The following INPP4B variants were observed in gnomAD, a reference collection of about 807,000 sequenced individuals.
INPP4B encodes inositol polyphosphate-4-phosphatase type II B, also known as inositol polyphosphate 4-phosphatase type II.
A neutral mutation model predicts 122.5 loss-of-function variants in INPP4B; 55 were observed. The ratio of observed to expected loss-of-function variants is 0.45; its 90% CI spans 0.36 to 0.56. INPP4B has a LOEUF of 0.56. INPP4B is among the 20% of genes least tolerant of loss of function. The pLI is 0.00. For missense variants in INPP4B, 1,000 were observed against 1,097.7 expected, an observed-to-expected ratio of 0.91 and a Z score of 1.26; for synonymous variants, 403 against 388.7, an observed-to-expected ratio of 1.04 and a Z score of -0.43.
chr4:142,503,572 T>A (rs1024198486), intron 2 of INPP4B, among the ~76,000 whole-genome samples: 2 of 152,070 alleles, frequency 1.3e-5, no homozygotes, highest in Non-Finnish European at 2.9e-5. Flanking sequence ...ATGAAAATAA[T>A]ATCTTTCCCC....
intron 15 of INPP4B, among the ~76,000 whole-genome samples, chr4:142,192,013 A>T (rs1489991696): frequency 6.6e-6 from 1 of 152,098 alleles, no homozygotes; most frequent in African/African-American, 2.4e-5. Context: ...TTTATATTTG[A>T]TAAATGTGAT....
At chr4:142,191,230 C>A (rs545498939) in intron 15 of INPP4B, among the ~76,000 whole-genome samples, 1 of 152,062 alleles carries the variant, frequency 6.6e-6, no homozygotes, top group African/African-American at 2.4e-5. Context: ...GTGAGTTCCA[C>A]GGGATTTTTC....
At chr4:142,806,813 A>AAGAAAGAT (rs1302962627) in intron 1 of INPP4B, among the ~76,000 whole-genome samples, 13 of 149,556 alleles carry the variant, frequency 8.7e-5, no homozygotes, top group Non-Finnish European at 1.8e-4. Flanking sequence ...GAAAGAAAGA[A>AAGAAAGAT]AGAAAGAAAG....
At chr4:142,155,011 GAT>G (rs563685658) in intron 17 of INPP4B, among the ~76,000 whole-genome samples, 30 of 150,076 alleles carry the variant, frequency 2.0e-4, no homozygotes, top group East Asian at 7.9e-4. Flanking sequence ...TTTGAAGTTG[GAT>G]ATATATATAT....
At chr4:142,330,132 T>A (rs1295360780) in intron 7 of INPP4B, among the ~76,000 whole-genome samples, 1 of 152,180 alleles carries the variant, frequency 6.6e-6, no homozygotes, top group African/African-American at 2.4e-5. Flanking sequence ...AATATCTTCA[T>A]TGTTACTTAT....
intron 1 of INPP4B, among the ~76,000 whole-genome samples, chr4:142,732,208 C>T (rs908490139): frequency 2.0e-5 from 3 of 152,118 alleles, no homozygotes; most frequent in Admixed American, 6.5e-5. Flanking sequence ...GAGTATTATG[C>T]TTATGAAGAC....
At position 142,595,408 on chromosome 4, in the gene INPP4B, T is replaced by C. The variant is rs148593936; in HGVS notation, c.-191+130431A>G. On this transcript the variant is annotated intron_variant, in intron 2 of 25. Transcript: ENST00000262992. ...ATTTTTAAAATTTCCCCTCTGTGAA[T>C]ACACCTGTCCTTGAAAATGGCCTCA... 2.7e-3 allele frequency among the ~76,000 whole-genome samples: 405 copies of C among 152,308 alleles called. 6 individuals are homozygous for C. The highest frequency in any genetic ancestry group is 0.018 in the East Asian group (92 of 5,170).
At chr4:142,654,668 T>C (rs2150557818) in intron 2 of INPP4B, 1 of 152,328 alleles carries the variant, frequency 6.6e-6, no homozygotes, top group African/African-American at 2.4e-5. Context: ...CTTCCCTGAA[T>C]AGCTTCTTCC....
intron 9 of INPP4B, among the ~76,000 whole-genome samples, chr4:142,285,759 T>C (rs1241510941): frequency 6.6e-6 from 1 of 152,040 alleles, no homozygotes; most frequent in Non-Finnish European, 1.5e-5. Flanking sequence ...TGATCCGCCA[T>C]GCAGATGAAA....
intron 1 of INPP4B, among the ~76,000 whole-genome samples, chr4:142,798,112 T>C (rs1011799839): frequency 1.3e-5 from 2 of 151,742 alleles, no homozygotes; most frequent in African/African-American, 4.8e-5. Flanking sequence ...ATAAGTCAAA[T>C]GAAATTACTG....
intron 9 of INPP4B, among the ~76,000 whole-genome samples, chr4:142,279,702 G>T (rs937139791): frequency 2.0e-5 from 3 of 151,846 alleles, no homozygotes; most frequent in Non-Finnish European, 2.9e-5. Context: ...GAGTTCTTTA[G>T]TGTGACACCA....
chr4:142,431,215 A>C lies in INPP4B; in HGVS notation c.45T>G (p.Phe15Leu). ...GATCATTGGCCTGGGCTGTAGGAAGAAAGTGCTGCCCTTCTTCTGATGCCC... is the reference window on the plus strand; with the variant it reads ...GATCATTGGCCTGGGCTGTAGGAAGCAAGTGCTGCCCTTCTTCTGATGCCC... ...EEGASEEGQHFLPTAQANDPG... is the reference protein window; with the variant it reads ...EEGASEEGQHLLPTAQANDPG... The change falls in exon 4 of 26, where the codon TTT (phenylalanine) becomes TTG (leucine). Residue 15 changes from phenylalanine to leucine, a missense_variant. By Grantham distance (22) the Phe-to-Leu change is conservative (BLOSUM62 0). Transcript: ENST00000262992. 6.2e-7 allele frequency: 1 copy of C among 1,613,474 alleles called. No individual in the cohort carries two copies. The highest frequency in any genetic ancestry group is 8.5e-7 in the Non-Finnish European group (1 of 1,179,504).
chr4:142,499,155 CT>C (rs1823028644), intron 2 of INPP4B, among the ~76,000 whole-genome samples: 1 of 152,102 alleles, frequency 6.6e-6, no homozygotes. Context: ...TGCCTTGGAT[CT>C]GCAAAGATAA....
At chr4:142,550,160 C>T (rs1257932718) in intron 2 of INPP4B, among the ~76,000 whole-genome samples, 1 of 152,152 alleles carries the variant, frequency 6.6e-6, no homozygotes, top group East Asian at 1.9e-4. Flanking sequence ...GAGCCTAGTG[C>T]TCCAAGTGGT....
intron 17 of INPP4B, among the ~76,000 whole-genome samples, chr4:142,157,984 C>G (rs1025972246): frequency 6.6e-6 from 1 of 152,066 alleles, no homozygotes; most frequent in Non-Finnish European, 1.5e-5. Flanking sequence ...AGTGCCTGCT[C>G]TTCCACCTGG....
chr4:142,093,082 G>C (rs1383095787), intron 23 of INPP4B, among the ~76,000 whole-genome samples: 2 of 152,062 alleles, frequency 1.3e-5, no homozygotes, highest in East Asian at 3.9e-4. Flanking sequence ...GGAACTTGCC[G>C]ACTGTATTCC....
chr4:142,737,082 G>T (rs535577689), intron 1 of INPP4B, among the ~76,000 whole-genome samples: 22 of 152,264 alleles, frequency 1.4e-4, no homozygotes, highest in Non-Finnish European at 3.1e-4. Context: ...AGCTACAAAT[G>T]ACTTTCTTCA....
intron 23 of INPP4B, among the ~76,000 whole-genome samples, chr4:142,106,683 A>T (rs889961232): frequency 3.3e-5 from 5 of 152,126 alleles, no homozygotes; most frequent in African/African-American, 1.2e-4. Context: ...ATGGCATATT[A>T]TTAGTTCTCA....
At chr4:142,804,301 C>A (rs1363973274) in intron 1 of INPP4B, among the ~76,000 whole-genome samples, 1 of 152,124 alleles carries the variant, frequency 6.6e-6, no homozygotes, top group Non-Finnish European at 1.5e-5. Flanking sequence ...TTACACTAAC[C>A]TGAAGGGTTT....
Sources: gnomAD v4.1 joint callset for allele counts (sites outside exome capture counted in the v4.1 genomes callset) on GRCh38, gnomAD v4.1.1 for gene constraint, MANE v1.5 for transcripts, NCBI Gene and HGNC (gene_info 2026-07-23, HGNC 2026-07-21) for gene names.